SLC24A2: variants seen among roughly 807,000 people sequenced by gnomAD.
SLC24A2 encodes the protein solute carrier family 24 member 2.
In SLC24A2, 36 loss-of-function variants were observed where a neutral mutation model predicts 62.0. The ratio of observed to expected loss-of-function variants is 0.58; its 90% CI spans 0.44 to 0.77. SLC24A2 has a LOEUF of 0.77. Ranked by LOEUF, SLC24A2 falls within the 30% of genes least tolerant of loss-of-function variation. The probability of loss-of-function intolerance (pLI) is 0.00; values close to 1 mark genes in which losing one functional copy is unlikely to be tolerated. For synonymous variants in SLC24A2, 358 were observed against 294.0 expected (o/e 1.22, Z -2.23); for missense variants, 846 against 817.9 (o/e 1.03, Z -0.42).
intron 4 of SLC24A2, among the ~76,000 whole-genome samples, chr9:19,605,649 G>A (rs1244851419): frequency 6.6e-6 from 1 of 152,156 alleles, no homozygotes; most frequent in Non-Finnish European, 1.5e-5. Flanking sequence ...TTGAACCACT[G>A]AAAGCTGTCT....
chr9:20,066,185 A>G, the SLC24A2 span, among the ~76,000 whole-genome samples: 3 of 152,228 alleles, frequency 2.0e-5, no homozygotes, highest in Non-Finnish European at 4.4e-5. Context: ...ATTGTGAACA[A>G]TAAAAATGTT....
chr9:19,663,180 C>T (rs544931735), intron 2 of SLC24A2, among the ~76,000 whole-genome samples: 1 of 152,320 alleles, frequency 6.6e-6, no homozygotes, highest in East Asian at 1.9e-4. Flanking sequence ...CTGCTACCCA[C>T]ATTTTACAGA....
chr9:19,874,070 CTTTTCTTT>C, the SLC24A2 span, among the ~76,000 whole-genome samples: 19 of 123,642 alleles, frequency 1.5e-4, no homozygotes, highest in African/African-American at 5.7e-4. Flanking sequence ...TTTTTCTTTT[CTTTTCTTT>C]TTTTTTTTTT....
At chr9:19,735,428 C>T (rs1037951421) in intron 2 of SLC24A2, among the ~76,000 whole-genome samples, 66 of 152,084 alleles carry the variant, frequency 4.3e-4, no homozygotes, top group African/African-American at 1.5e-3. Flanking sequence ...ACTAGTTCAA[C>T]CATTGTGGAA....
At chr9:20,025,739 T>A in the SLC24A2 span, among the ~76,000 whole-genome samples, 1 of 152,142 alleles carries the variant, frequency 6.6e-6, no homozygotes. Flanking sequence ...CCAGGTGAGA[T>A]CATAACCTTT....
intron 2 of SLC24A2, among the ~76,000 whole-genome samples, chr9:19,669,465 T>C (rs1353178488): frequency 1.3e-5 from 2 of 152,194 alleles, no homozygotes; most frequent in Non-Finnish European, 2.9e-5. Context: ...GCTACCACAA[T>C]AAATAACCAC....
chr9:20,067,368 C>G, the SLC24A2 span, among the ~76,000 whole-genome samples: 2 of 152,152 alleles, frequency 1.3e-5, no homozygotes, highest in African/African-American at 2.4e-5. Context: ...TCTTCATATT[C>G]TGTGGTGACC....
the SLC24A2 span, among the ~76,000 whole-genome samples, chr9:19,934,836 T>A: frequency 6.6e-6 from 1 of 151,900 alleles, no homozygotes; most frequent in African/African-American, 2.4e-5. The surrounding 1 kb of genome is among the most constrained non-coding windows in gnomAD (Gnocchi z 4.1). Flanking sequence ...TCCGTTTCTG[T>A]CTTCTCCTCC....
the SLC24A2 span, among the ~76,000 whole-genome samples, chr9:20,199,610 G>GA: frequency 1.3e-5 from 2 of 151,520 alleles, no homozygotes; most frequent in African/African-American, 2.4e-5. Flanking sequence ...TGAGAATAAA[G>GA]AAAAAAGGAG....
At chr9:20,248,178 G>T in the SLC24A2 span, among the ~76,000 whole-genome samples, 1 of 152,266 alleles carries the variant, frequency 6.6e-6, no homozygotes, top group East Asian at 1.9e-4. Flanking sequence ...CTGACTTTTT[G>T]GGAGGCAGCT....
At chr9:19,930,374 C>T in the SLC24A2 span, among the ~76,000 whole-genome samples, 1 of 152,160 alleles carries the variant, frequency 6.6e-6, no homozygotes, top group South Asian at 2.1e-4. Context: ...AGAATAGTAA[C>T]ATGGTGTACA....
the SLC24A2 span, among the ~76,000 whole-genome samples, chr9:19,925,500 T>C: frequency 6.5e-3 from 987 of 152,312 alleles, 12 homozygotes; most frequent in African/African-American, 0.022. Flanking sequence ...ACACATTAGT[T>C]CTTGCTGCCA....
rs1297168112 is a variant in SLC24A2, at chr9:19,662,287, A to G, written c.931-39988T>C. Among the ~76,000 whole-genome samples the G allele has an allele frequency of 2.0e-5, 3 of 152,202 alleles. No homozygotes were observed. The East Asian group carries it at 5.8e-4, about 29-fold the overall frequency. On this transcript the variant is annotated intron_variant, in intron 2 of 10. Transcript: ENST00000341998. ...TGAGATATTTACTTTTTTCAGCATC[A>G]GCTTTCTGAAAACCAGAGTGTGTGT... is the stretch of plus-strand genomic sequence containing the variant.
At chr9:19,535,872 T>A (rs1407738994) in intron 8 of SLC24A2, among the ~76,000 whole-genome samples, 2 of 152,096 alleles carry the variant, frequency 1.3e-5, no homozygotes, top group African/African-American at 4.8e-5. Context: ...TTTCCAATTC[T>A]GTGAAGAAAG....
At chr9:20,295,036 G>GTATATATATATATATATA in the SLC24A2 span, among the ~76,000 whole-genome samples, 10 of 145,676 alleles carry the variant, frequency 6.9e-5, no homozygotes, top group African/African-American at 2.3e-4. Flanking sequence ...GTGTATATAT[G>GTATATATATATATATATA]TATATATATA....
chr9:20,307,455 T>C, the SLC24A2 span, among the ~76,000 whole-genome samples: 8 of 152,366 alleles, frequency 5.3e-5, no homozygotes, highest in East Asian at 1.3e-3. Flanking sequence ...TGCTTTCTAC[T>C]TTTCAAAGCA....
chr9:19,837,962 A>G, the SLC24A2 span, among the ~76,000 whole-genome samples: 7 of 151,918 alleles, frequency 4.6e-5, no homozygotes, highest in Non-Finnish European at 1.0e-4. Flanking sequence ...ATGGGTAGGA[A>G]GAATCAATAT....
At chr9:19,784,435 C>A (rs531774656) in intron 2 of SLC24A2, among the ~76,000 whole-genome samples, 1 of 152,300 alleles carries the variant, frequency 6.6e-6, no homozygotes, top group African/African-American at 2.4e-5. Flanking sequence ...GTACTGAGTT[C>A]TCAAAGAGAC....
the SLC24A2 span, among the ~76,000 whole-genome samples, chr9:19,823,591 TG>T: frequency 3.9e-5 from 6 of 152,038 alleles, 1 homozygote; most frequent in African/African-American, 1.4e-4. Flanking sequence ...ATTGCACCAC[TG>T]CACTCCAGCC....
Sources: allele counts gnomAD v4.1 joint callset (sites outside exome capture counted in the v4.1 genomes callset), GRCh38; gene constraint gnomAD v4.1.1; non-coding constraint Gnocchi (gnomAD v3.1); transcripts MANE v1.5; gene names NCBI Gene and HGNC (gene_info 2026-07-23, HGNC 2026-07-21).